PPP2R3A: variants seen among roughly 807,000 people sequenced by gnomAD.
PPP2R3A encodes the protein protein phosphatase 2 regulatory subunit B''alpha, also known as serine/threonine-protein phosphatase 2A regulatory subunit B'' subunit alpha.
A neutral mutation model predicts 106.9 loss-of-function variants in PPP2R3A; 80 were observed. The observed-to-expected ratio is 0.75, with a 90% CI of 0.62 to 0.90. PPP2R3A has a LOEUF of 0.90. Ranked by LOEUF, PPP2R3A falls within the 40% of genes least tolerant of loss-of-function variation. The probability of loss-of-function intolerance (pLI) is 0.00; values close to 1 mark genes in which losing one functional copy is unlikely to be tolerated. For synonymous variants in PPP2R3A, 483 were observed against 468.3 expected (o/e 1.03, Z -0.41); for missense variants, 1,386 against 1,350.4 (o/e 1.03, Z -0.41).
At chr3:136,130,933 G>A (rs1395760490) in intron 13 of PPP2R3A, among the ~76,000 whole-genome samples, 1 of 152,164 alleles carries the variant, frequency 6.6e-6, no homozygotes, top group Non-Finnish European at 1.5e-5. Context: ...AATAAATGGT[G>A]CTGGGAAAAT....
chr3:136,069,083 A>G (rs1343585267), intron 5 of PPP2R3A, among the ~76,000 whole-genome samples: 1 of 152,208 alleles, frequency 6.6e-6, no homozygotes, highest in African/African-American at 2.4e-5. Flanking sequence ...CAAAAGCTAA[A>G]TGCAGTGTAA....
In PPP2R3A at chr3:136,002,391, A is replaced by C. The variant is rs769995171; in HGVS notation, c.893A>C (p.Gln298Pro). 4 of 1,614,048 alleles carry C rather than the reference A, an allele frequency of 2.5e-6. No homozygotes were observed. In the South Asian group the frequency reaches 4.4e-5, roughly 18 times the overall value. The change falls in exon 2 of 14, where the codon CAG (glutamine) becomes CCG (proline). Residue 298 changes from glutamine (Q) to proline (P), a missense_variant. Gln to Pro is a moderately conservative substitution (Grantham distance 76, BLOSUM62 -1). Coordinates refer to ENST00000264977, the MANE Select transcript of PPP2R3A (RefSeq NM_002718.5). ...AAAAAGTTACCATTTGAATTCATGCAGTCTGGGAATAATGAGGCTCTAGAT... is the reference window on the plus strand; with the variant it reads ...AAAAAGTTACCATTTGAATTCATGCCGTCTGGGAATAATGAGGCTCTAGAT... ...YLKKLPFEFM[Q>P]SGNNEALDLT...
chr3:136,127,817 G>A (rs1576331652), intron 13 of PPP2R3A, among the ~76,000 whole-genome samples: 2 of 152,236 alleles, frequency 1.3e-5, no homozygotes, highest in Non-Finnish European at 2.9e-5. Flanking sequence ...CAGATCTCTT[G>A]GCAGAAACAC....
intron 1 of PPP2R3A, among the ~76,000 whole-genome samples, chr3:135,995,663 G>C (rs1179573783): frequency 6.6e-6 from 1 of 151,870 alleles, no homozygotes; most frequent in Non-Finnish European, 1.5e-5. Flanking sequence ...AGTAGAGATG[G>C]GGTCTCACCA....
intron 4 of PPP2R3A, among the ~76,000 whole-genome samples, chr3:136,044,455 G>A (rs1156539013): frequency 1.3e-5 from 2 of 151,200 alleles, no homozygotes; most frequent in African/African-American, 2.4e-5. Context: ...GTGCTGGCTT[G>A]CACCTGTAAT....
At chr3:136,017,792 A>C (rs1934329732) in intron 2 of PPP2R3A, among the ~76,000 whole-genome samples, 1 of 152,154 alleles carries the variant, frequency 6.6e-6, no homozygotes, top group Admixed American at 6.5e-5. Context: ...GTCCTCACTT[A>C]GCTGAGCTGA....
At chr3:135,970,274 G>A (rs1576400300) in intron 1 of PPP2R3A, among the ~76,000 whole-genome samples, 1 of 152,280 alleles carries the variant, frequency 6.6e-6, no homozygotes, top group East Asian at 1.9e-4. Flanking sequence ...AGGTACAGTG[G>A]AATGACGCCT....
At chr3:136,033,858 GTATTT>G (rs1025235523) in intron 3 of PPP2R3A, among the ~76,000 whole-genome samples, 1 of 150,394 alleles carries the variant, frequency 6.6e-6, no homozygotes, top group African/African-American at 2.4e-5. Context: ...TTTATTTTTT[GTATTT>G]TTTTTCTTTT....
intron 13 of PPP2R3A, among the ~76,000 whole-genome samples, chr3:136,113,950 T>C (rs967250847): frequency 6.6e-6 from 1 of 152,166 alleles, no homozygotes; most frequent in Non-Finnish European, 1.5e-5. Context: ...TGGGGCCTAA[T>C]TAAAGAGCTT....
chr3:136,119,009 G>C (rs1244207779), intron 13 of PPP2R3A, among the ~76,000 whole-genome samples: 3 of 152,106 alleles, frequency 2.0e-5, no homozygotes, highest in Non-Finnish European at 4.4e-5. Flanking sequence ...CATGATACTG[G>C]TACCAAAACA....
intron 13 of PPP2R3A, among the ~76,000 whole-genome samples, chr3:136,129,393 A>G (rs546810943): frequency 6.6e-6 from 1 of 152,228 alleles, no homozygotes; most frequent in Admixed American, 6.5e-5. Context: ...AAACACCTCT[A>G]TGCAAATAAA....
Position 136,001,410 on chromosome 3 carries a change from T to C in PPP2R3A, c.-89T>C. On this transcript the variant is annotated 5_prime_UTR_variant, in exon 2 of 14. Transcript: ENST00000264977. ...GAAACCACTGAACATTGTTATTAAA[T>C]ATATTTTCAGCTAACTGTCATTTAG... The C allele has an allele frequency of 9.2e-7, 1 of 1,091,168 alleles. No individual in the cohort carries two copies. Among genetic ancestry groups the C allele is most frequent in the Non-Finnish European group, 1.3e-6 (1 of 745,124 alleles). The allele number at this position is 1,091,168 out of a possible 1,614,324, so 67.6% of individuals were successfully genotyped here.
chr3:136,011,213 C>T (rs558032252), intron 2 of PPP2R3A, among the ~76,000 whole-genome samples: 1 of 152,010 alleles, frequency 6.6e-6, no homozygotes, highest in Admixed American at 6.5e-5. Flanking sequence ...CCCTTTCCCC[C>T]TCTACTGTTT....
At position 135,974,894 on chromosome 3, in the gene PPP2R3A, A is replaced by C. The variant is rs564190081; in HGVS notation, c.-441+9045A>C. 2.0e-5 allele frequency among the ~76,000 whole-genome samples: 3 copies of C among 152,346 alleles called. No homozygotes were observed. The East Asian group carries it at 5.8e-4, about 29-fold the overall frequency. ...AGTGGTTGTGAATGGAAATGTCATT[A>C]AGGGCTTAGGAATCCTAGCAAGGGC... On this transcript the variant is annotated intron_variant, in intron 1 of 13. Coordinates refer to ENST00000264977, the MANE Select transcript of PPP2R3A (RefSeq NM_002718.5).
At chr3:135,984,816 T>C (rs1937584351) in intron 1 of PPP2R3A, among the ~76,000 whole-genome samples, 1 of 152,184 alleles carries the variant, frequency 6.6e-6, no homozygotes, top group East Asian at 1.9e-4. Context: ...AGAGGTTTTA[T>C]TGGACTTACA....
At chr3:136,100,004 T>C (rs1937318566) in intron 10 of PPP2R3A, among the ~76,000 whole-genome samples, 1 of 151,224 alleles carries the variant, frequency 6.6e-6, no homozygotes. Flanking sequence ...GTTTCCAAAC[T>C]GAATAGGCTC....
At chr3:136,113,461 C>T (rs544097007) in intron 13 of PPP2R3A, among the ~76,000 whole-genome samples, 3 of 152,234 alleles carry the variant, frequency 2.0e-5, no homozygotes, top group African/African-American at 7.2e-5. Context: ...CTTCCTTTCA[C>T]CATATACAAA....
At chr3:136,046,746 T>C (rs760285137) in intron 4 of PPP2R3A, among the ~76,000 whole-genome samples, 61 of 152,156 alleles carry the variant, frequency 4.0e-4, no homozygotes, top group African/African-American at 1.2e-3. Flanking sequence ...CCAGCAATGG[T>C]TGTTAATCAA....
At chr3:136,016,136 C>G (rs1934259423) in intron 2 of PPP2R3A, among the ~76,000 whole-genome samples, 1 of 152,016 alleles carries the variant, frequency 6.6e-6, no homozygotes, top group African/African-American at 2.4e-5. Flanking sequence ...TTGAGGGTTC[C>G]TTTTGGAGTC....
Sources: allele counts gnomAD v4.1 joint callset (sites outside exome capture counted in the v4.1 genomes callset), GRCh38; gene constraint gnomAD v4.1.1; transcripts MANE v1.5; gene names NCBI Gene and HGNC (gene_info 2026-07-23, HGNC 2026-07-21).